ICMT: variants seen among roughly 807,000 people sequenced by gnomAD.
ICMT encodes protein-S-isoprenylcysteine O-methyltransferase.
A neutral mutation model predicts 32.2 loss-of-function variants in ICMT; 10 were observed. The ratio of observed to expected loss-of-function variants is 0.31; its 90% CI spans 0.19 to 0.53. ICMT has a LOEUF of 0.53. Ranked by LOEUF, ICMT falls within the 20% of genes least tolerant of loss-of-function variation. The pLI is 0.96. For missense variants in ICMT, 265 were observed against 356.9 expected, an observed-to-expected ratio of 0.74 and a Z score of 2.07; for synonymous variants, 183 against 158.2, an observed-to-expected ratio of 1.16 and a Z score of -1.18.
chr1:6,233,180 A>AT (rs1202712341), intron 3 of ICMT, among the ~76,000 whole-genome samples: 1 of 152,272 alleles, frequency 6.6e-6, no homozygotes, highest in East Asian at 1.9e-4. Context: ...AAACGTCTAA[A>AT]TATCATCTGA....
chr1:6,235,757 T>C lies in ICMT; in HGVS notation c.155A>G (p.Asn52Ser). Residue 52 changes from asparagine (N) to serine (S), a missense_variant, in exon 1 of 5, where the codon AAC becomes AGC. By Grantham distance (46) the Asn-to-Ser change is conservative. Coordinates refer to ENST00000343813, the MANE Select transcript of ICMT (RefSeq NM_012405.4). Reference sequence around the variant, plus strand: ...CCGATAGAGCAGCAGCAGCAGCGCGTTGAGCCCGGCCACGTAGAGCGCCAG... The same window carrying C: ...CCGATAGAGCAGCAGCAGCAGCGCGCTGAGCCCGGCCACGTAGAGCGCCAG... Reference protein sequence around the residue: ...TGLALYVAGLNALLLLLYRPP... With the variant: ...TGLALYVAGLSALLLLLYRPP... 1 of 1,339,160 alleles carries C rather than the reference T, an allele frequency of 7.5e-7. No individual in the cohort carries two copies. Among genetic ancestry groups the C allele is most frequent in the Non-Finnish European group, 9.7e-7 (1 of 1,035,818 alleles). 83.0% of individuals were successfully genotyped at this position (1,339,160 alleles called of 1,614,324 possible).
At chr1:6,230,586 TAAAAAAAAAA>T (rs34068915) in intron 4 of ICMT, among the ~76,000 whole-genome samples, 3 of 104,350 alleles carry the variant, frequency 2.9e-5, no homozygotes, top group South Asian at 3.4e-4. Flanking sequence ...ATCCTGTCTT[TAAAAAAAAAA>T]AAAAAAAAAA....
At position 6,221,890 on chromosome 1, in the gene ICMT, C is replaced by T. The variant is rs951942791; in HGVS notation, c.*3190G>A. 1 of 152,198 alleles carries T rather than the reference C, an allele frequency of 6.6e-6. No homozygotes were observed. Among genetic ancestry groups the T allele is most frequent in the East Asian group, 1.9e-4 (1 of 5,198 alleles). The allele number at this position is 152,198 out of a possible 1,614,324, so 9.4% of individuals were successfully genotyped here. A position where few individuals can be genotyped will look rare whatever the true frequency, so the allele number is the denominator to read the frequency against. On this transcript the variant is annotated 3_prime_UTR_variant, in exon 5 of 5. Transcript: ENST00000343813. ...CCAGGTAGCTTTGTTCTGACAGTAC[C>T]TATTTTCCACTTCAGAATCTCCACT...
chr1:6,226,651 C>A (rs956294116), intron 4 of ICMT, among the ~76,000 whole-genome samples: 1 of 152,230 alleles, frequency 6.6e-6, no homozygotes, highest in Non-Finnish European at 1.5e-5. Flanking sequence ...ATGTTCCCAG[C>A]GCCATGCTAA....
chr1:6,227,411 A>G (rs914825169), intron 4 of ICMT, among the ~76,000 whole-genome samples: 1 of 152,236 alleles, frequency 6.6e-6, no homozygotes, highest in African/African-American at 2.4e-5. Context: ...ACCAAGGACC[A>G]TGCATTGCTG....
intron 4 of ICMT, among the ~76,000 whole-genome samples, chr1:6,228,515 T>A (rs919103701): frequency 6.6e-5 from 10 of 152,092 alleles, no homozygotes; most frequent in Admixed American, 5.2e-4. Flanking sequence ...GCTAATTGTT[T>A]GTATTTTTAG....
intron 1 of ICMT, 128 bp from the exon 2 acceptor site, chr1:6,235,102 G>A: frequency 2.9e-6 from 2 of 688,116 alleles, no homozygotes; most frequent in Non-Finnish European, 5.0e-6. Flanking sequence ...TTGAAAGGGA[G>A]AAGTGGGCGA....
At chr1:6,226,787 G>A (rs2100961352) in intron 4 of ICMT, among the ~76,000 whole-genome samples, 1 of 152,270 alleles carries the variant, frequency 6.6e-6, no homozygotes, top group East Asian at 1.9e-4. Flanking sequence ...TATTGCCCAG[G>A]CTGGACTTGA....
rs1261631752 is a variant in ICMT, at chr1:6,231,975, A to C, written c.599T>G (p.Val200Gly). The change falls in exon 4 of 5, where the codon GTG becomes GGG. Residue 200 changes from valine (V) to glycine (G), a missense_variant. Around this residue, in one of 2 missense-constraint regions of ICMT, gnomAD observed 166 missense variants for 264.3 expected, o/e 0.63. Transcript: ENST00000343813. The part of the protein sequence containing the change: ...QNEKSDTHTL[V>G]TSGVYAWFRH... ...AAACCAAGCGTACACTCCACTGGTC[A>C]CCAGAGTATGTGTATCTGATTTTTC... is the stretch of plus-strand genomic sequence containing the variant. 8 of 1,613,910 alleles carry C rather than the reference A, an allele frequency of 5.0e-6. No homozygotes were observed. Among genetic ancestry groups the C allele is most frequent in the Non-Finnish European group, 6.8e-6 (8 of 1,179,920 alleles).
At chr1:6,229,783 T>C (rs868681038) in intron 4 of ICMT, among the ~76,000 whole-genome samples, 12 of 146,702 alleles carry the variant, frequency 8.2e-5, no homozygotes, top group African/African-American at 2.0e-4. Flanking sequence ...ATAAAAAAAA[T>C]ACACACACAC....
At position 6,234,903 on chromosome 1, in the gene ICMT, A is replaced by G; in HGVS notation, c.267T>C (p.Ser89=). 5 of 1,613,800 alleles carry G rather than the reference A, an allele frequency of 3.1e-6. No homozygotes were observed. Among genetic ancestry groups the G allele is most frequent in the Non-Finnish European group, 4.2e-6 (5 of 1,179,734 alleles). ...ATTCTTACCAGCCAAAGTGACTCCAAGAAGACTGGCTAAAACTTAGCAGCG... is the reference window on the plus strand; with the variant it reads ...ATTCTTACCAGCCAAAGTGACTCCAGGAAGACTGGCTAAAACTTAGCAGCG... ...CGTLLSFSQS[S]WSHFGWYMCS... is the part of the protein sequence containing the mutation. Residue 89 remains serine, a synonymous_variant, in exon 2 of 5, where the codon TCT becomes TCC. Coordinates refer to ENST00000343813, the MANE Select transcript of ICMT (RefSeq NM_012405.4).
rs778229072 is a variant in ICMT, at chr1:6,234,993, A to C, written c.196-19T>G. ...TGGCTATCTGAAAGGAACCCAAGAG[A>C]AGCTCAGTCATTCACAGTCCTCAGA... On this transcript the variant is annotated intron_variant, in intron 1 of 4. Coordinates refer to ENST00000343813, the MANE Select transcript of ICMT (RefSeq NM_012405.4). 4.4e-6 allele frequency: 7 copies of C among 1,603,246 alleles called. No individual in the cohort carries two copies. The highest frequency in any genetic ancestry group is 6.0e-6 in the Non-Finnish European group (7 of 1,171,018).
chr1:6,229,801 C>G (rs1180346970), intron 4 of ICMT, among the ~76,000 whole-genome samples: 1 of 137,558 alleles, frequency 7.3e-6, no homozygotes, highest in East Asian at 2.0e-4. Flanking sequence ...CACACACACA[C>G]ACACACACAC....
chr1:6,224,947 G>A lies in ICMT; in HGVS notation c.*133C>T. On this transcript the variant is annotated 3_prime_UTR_variant, in exon 5 of 5. Transcript: ENST00000343813. ...TCAGGCCTTCTGACCGCTTGGTCTT[G>A]AGTGACATTCCAGAAGAGTGACTAA... The A allele has an allele frequency of 1.2e-6, 1 of 856,668 alleles. No homozygotes were observed. The highest frequency in any genetic ancestry group is 1.7e-5 in the South Asian group (1 of 60,520). 53.1% of individuals were successfully genotyped at this position (856,668 alleles called of 1,614,324 possible). A position where few individuals can be genotyped will look rare whatever the true frequency, so the allele number is the denominator to read the frequency against.
rs948205846 is a variant in ICMT at position 6,224,444 on chromosome 1, A to G, written c.*636T>C. On this transcript the variant is annotated 3_prime_UTR_variant, in exon 5 of 5. Coordinates refer to ENST00000343813, the MANE Select transcript of ICMT (RefSeq NM_012405.4). ...CTTGCTGCAGGATAAAAGTTGAACT[A>G]GAACACCAAGCATTGAGCTAGGAAT... 6.6e-6 allele frequency: 1 copy of G among 152,264 alleles called. No homozygotes were observed. Among genetic ancestry groups the G allele is most frequent in the African/African-American group, 2.4e-5 (1 of 41,462 alleles). The allele number at this position is 152,264 out of a possible 1,614,324, so 9.4% of individuals were successfully genotyped here.
In ICMT at chr1:6,222,210, C is replaced by T. The variant is rs1257674231; in HGVS notation, c.*2870G>A. 6.6e-6 allele frequency: 1 copy of T among 152,280 alleles called. No homozygotes were observed. Among genetic ancestry groups the T allele is most frequent in the Admixed American group, 6.5e-5 (1 of 15,276 alleles). The allele number at this position is 152,280 out of a possible 1,614,324, so 9.4% of individuals were successfully genotyped here. A position where few individuals can be genotyped will look rare whatever the true frequency, so the allele number is the denominator to read the frequency against. On this transcript the variant is annotated 3_prime_UTR_variant, in exon 5 of 5. Coordinates refer to ENST00000343813, the MANE Select transcript of ICMT (RefSeq NM_012405.4). Reference sequence around the variant, plus strand: ...CCGAGGCGCGTGGATCACTTGAGGTCAGGAGTTCGAGACCAGCCTGGCCAT... The same window carrying T: ...CCGAGGCGCGTGGATCACTTGAGGTTAGGAGTTCGAGACCAGCCTGGCCAT...
chr1:6,229,559 T>G (rs1465102286), intron 4 of ICMT, among the ~76,000 whole-genome samples: 4 of 152,098 alleles, frequency 2.6e-5, no homozygotes, highest in African/African-American at 9.7e-5. Flanking sequence ...CTTAGAAGGC[T>G]GAGGCAGGAG....
At chr1:6,234,166 C>T (rs1000763311) in intron 2 of ICMT, among the ~76,000 whole-genome samples, 3 of 152,114 alleles carry the variant, frequency 2.0e-5, no homozygotes, top group Admixed American at 6.5e-5. Flanking sequence ...TGAGCCACCG[C>T]GCCCGGCAAG....
In ICMT at chr1:6,233,603, A is replaced by G; in HGVS notation, c.325T>C (p.Leu109=). Residue 109 remains leucine, a synonymous_variant, in exon 3 of 5, where the codon TTG becomes CTG. Transcript: ENST00000343813. The stretch of plus-strand genomic sequence containing the variant: ...TTGGGATTATTGACTGCTGTCACCA[A>G]GTATTCAGAATAGTGGAACAATGAC... ...SLSLFHYSEY[L]VTAVNNPKSL... 1 of 1,614,014 alleles carries G rather than the reference A, an allele frequency of 6.2e-7. No homozygotes were observed. Among genetic ancestry groups the G allele is most frequent in the Non-Finnish European group, 8.5e-7 (1 of 1,179,924 alleles).
Sources: gnomAD v4.1 joint callset for allele counts (sites outside exome capture counted in the v4.1 genomes callset) on GRCh38, gnomAD v4.1.1 for gene constraint, gnomAD v4.1.1 regional missense constraint, MANE v1.5 for transcripts, NCBI Gene and HGNC (gene_info 2026-07-23, HGNC 2026-07-21) for gene names.